AP4E1: variants seen among roughly 807,000 people sequenced by gnomAD.
The protein encoded by AP4E1 is AP-4 complex subunit epsilon-1.
AP4E1 carries 56 observed loss-of-function variants against 128.2 expected under a neutral mutation model. The observed-to-expected ratio is 0.44, with a 90% confidence interval of 0.35 to 0.55. The LOEUF (loss-of-function observed/expected upper bound fraction) is 0.55. Ranked by LOEUF, AP4E1 falls within the 20% of genes least tolerant of loss-of-function variation. The probability of loss-of-function intolerance (pLI) is 0.00; values close to 1 mark genes in which losing one functional copy is unlikely to be tolerated. For synonymous variants in AP4E1, 484 were observed against 473.1 expected (o/e 1.02, Z -0.30); for missense variants, 1,324 against 1,307.7 (o/e 1.01, Z -0.19).
intron 20 of AP4E1, 35 bp from the exon 21 acceptor site, chr15:51,002,467 G>T: frequency 6.2e-7 from 1 of 1,610,058 alleles, no homozygotes; most frequent in South Asian, 1.1e-5. Context: ...AACTCCTTTT[G>T]CATTAAATCA....
intron 2 of AP4E1, among the ~76,000 whole-genome samples, chr15:50,915,070 A>C (rs2614791): frequency 0.21 from 31,257 of 152,166 alleles, 3,295 homozygotes; most frequent in East Asian, 0.39. Flanking sequence ...TCATTTGACA[A>C]AGTCTACTAA....
intron 14 of AP4E1, among the ~76,000 whole-genome samples, chr15:50,966,748 G>T (rs2064399894): frequency 6.6e-6 from 1 of 152,070 alleles, no homozygotes; most frequent in East Asian, 1.9e-4. Context: ...TGTTGGTCAG[G>T]CTGGTCTCGA....
rs1485751922 is a variant in AP4E1 at position 51,003,912 on chromosome 15, A to G, written c.*1250A>G. On this transcript the variant is annotated 3_prime_UTR_variant, in exon 21 of 21. Transcript: ENST00000261842. The stretch of plus-strand genomic sequence containing the variant: ...ATTCTGATTTTAGGTTATCTCATTA[A>G]TCATGGCTGATAAAGAAGCTAAGGG... 1.3e-5 allele frequency: 2 copies of G among 152,576 alleles called. No homozygotes were observed. Among genetic ancestry groups the G allele is most frequent in the South Asian group, 2.1e-4 (1 of 4,832 alleles). 9.5% of individuals were successfully genotyped at this position (152,576 alleles called of 1,614,324 possible).
At chr15:50,980,551 G>T (rs1227340460) in intron 15 of AP4E1, among the ~76,000 whole-genome samples, 1 of 152,200 alleles carries the variant, frequency 6.6e-6, no homozygotes, top group African/African-American at 2.4e-5. Context: ...ATCTGGTCAA[G>T]TGACTGTCTG....
At chr15:50,962,412 T>G (rs918442825) in intron 14 of AP4E1, among the ~76,000 whole-genome samples, 1 of 151,944 alleles carries the variant, frequency 6.6e-6, no homozygotes, top group Non-Finnish European at 1.5e-5. Context: ...AAGAAAGACA[T>G]ACACACCAAT....
In AP4E1 at chr15:50,997,583, A is replaced by T; in HGVS notation, c.2604A>T (p.Ser868=). 6.2e-7 allele frequency: 1 copy of T among 1,614,080 alleles called. No homozygotes were observed. Among genetic ancestry groups the T allele is most frequent in the Non-Finnish European group, 8.5e-7 (1 of 1,179,990 alleles). The part of the protein sequence containing the change: ...LTELPLVEKF[S]YCSLSTPSLF... ...AACTGCCCTTGGTTGAGAAATTCTCATATTGTAGTCTGTCTACACCTTCAT... is the reference window on the plus strand; with the variant it reads ...AACTGCCCTTGGTTGAGAAATTCTCTTATTGTAGTCTGTCTACACCTTCAT... Residue 868 remains serine (S), a synonymous_variant, in exon 18 of 21, where the codon TCA becomes TCT. Coordinates refer to ENST00000261842, the MANE Select transcript of AP4E1 (RefSeq NM_007347.5).
intron 3 of AP4E1, among the ~76,000 whole-genome samples, chr15:50,917,528 C>T (rs901803640): frequency 6.6e-6 from 1 of 151,786 alleles, no homozygotes; most frequent in Non-Finnish European, 1.5e-5. Flanking sequence ...GTTAAAGACT[C>T]TGGAAGACAG....
chr15:50,963,122 G>A (rs1231828794), intron 14 of AP4E1, among the ~76,000 whole-genome samples: 1 of 151,914 alleles, frequency 6.6e-6, no homozygotes, highest in Non-Finnish European at 1.5e-5. Context: ...GCAGAAAAAA[G>A]GAAACTCATG....
intron 6 of AP4E1, among the ~76,000 whole-genome samples, chr15:50,929,989 A>G (rs940851873): frequency 1.3e-5 from 2 of 151,820 alleles, no homozygotes; most frequent in Admixed American, 1.3e-4. Context: ...TACATAATCA[A>G]GGCACACTCC....
chr15:50,915,282 G>A (rs2063616380), intron 2 of AP4E1, 166 bp from the exon 3 acceptor site: 1 of 683,546 alleles, frequency 1.5e-6, no homozygotes, highest in Non-Finnish European at 2.4e-6. Context: ...AAGATCAGGA[G>A]CAATTTTTAT....
At chr15:50,931,668 C>T (rs1335746523) in intron 7 of AP4E1, among the ~76,000 whole-genome samples, 10 of 152,116 alleles carry the variant, frequency 6.6e-5, no homozygotes, top group Admixed American at 3.3e-4. Flanking sequence ...ATGAAAGCAG[C>T]CACAGATAGA....
intron 1 of AP4E1, 151 bp downstream of exon 1, chr15:50,909,079 C>T: frequency 1.5e-6 from 2 of 1,314,964 alleles, no homozygotes; most frequent in Non-Finnish European, 2.0e-6. Flanking sequence ...TTTCGTCTGC[C>T]TGGAAGCTTC....
At chr15:50,945,258 A>AATTT in intron 10 of AP4E1, 2 of 784,618 alleles carry the variant, frequency 2.5e-6, no homozygotes, top group Non-Finnish European at 4.7e-6. Context: ...TGACAGTGTA[A>AATTT]GTAGTGTTAA....
intron 1 of AP4E1, among the ~76,000 whole-genome samples, chr15:50,911,821 A>G (rs1468024306): frequency 6.6e-6 from 1 of 152,092 alleles, no homozygotes; most frequent in Non-Finnish European, 1.5e-5. Context: ...CTATTCTACC[A>G]TTAAGGGGAA....
chr15:50,914,247 A>G (rs991338971), intron 2 of AP4E1, among the ~76,000 whole-genome samples: 1 of 152,202 alleles, frequency 6.6e-6, no homozygotes, highest in African/African-American at 2.4e-5. Context: ...TTATATTTAC[A>G]TTAAACATTA....
chr15:50,947,648 C>T (rs995729049), intron 10 of AP4E1, among the ~76,000 whole-genome samples: 2 of 152,138 alleles, frequency 1.3e-5, no homozygotes, highest in African/African-American at 4.8e-5. Context: ...CACATACATA[C>T]ACTTGCATAT....
rs1567217020 is a variant in AP4E1, at chr15:50,929,755, A to ATTGAACTTTAAAT, written c.702+587_702+588insTTGAACTTTAAAT. ...ATAAAATATGCTATTGAACTCATTT[A>ATTGAACTTTAAAT]AAGTTATATTGTTTTTTATGTATCG... On this transcript the variant is annotated intron_variant, in intron 6 of 20. Transcript: ENST00000261842. Among the ~76,000 whole-genome samples the ATTGAACTTTAAAT allele has an allele frequency of 3.3e-5, 5 of 152,200 alleles. 1 individual carries two copies. Among genetic ancestry groups the ATTGAACTTTAAAT allele is most frequent in the Non-Finnish European group, 7.4e-5 (5 of 68,026 alleles).
Position 51,001,059 on chromosome 15 carries a change from ACT to A in AP4E1, c.3132_3133del (p.Trp1045ValfsTer6), listed in dbSNP as rs1567269045. On this transcript the variant is annotated frameshift_variant, in exon 20 of 21. Transcript: ENST00000261842. LOFTEE classifies it high-confidence loss of function. ...LKISSDDFGK[L>X]WLSFANDVKQ... ...AAATCTCAAGTGACGACTTTGGGAA[ACT>A]CTGGTTATCCTTCGCAAATGATGTG... The A allele has an allele frequency of 3.7e-6, 6 of 1,613,164 alleles. No individual in the cohort carries two copies. The highest frequency in any genetic ancestry group is 1.3e-5 in the African/African-American group (1 of 74,898).
At chr15:50,935,684 C>T (rs1299668188) in intron 8 of AP4E1, among the ~76,000 whole-genome samples, 1 of 152,148 alleles carries the variant, frequency 6.6e-6, no homozygotes, top group Non-Finnish European at 1.5e-5. Flanking sequence ...AAGAGCATTA[C>T]TTTTTCTTTG....
Sources: gnomAD v4.1 joint callset for allele counts (sites outside exome capture counted in the v4.1 genomes callset) on GRCh38, gnomAD v4.1.1 for gene constraint, MANE v1.5 for transcripts, NCBI Gene and HGNC (gene_info 2026-07-23, HGNC 2026-07-21) for gene names.